The following CNBD1 variants were observed in gnomAD, a reference collection of about 807,000 sequenced individuals.
CNBD1 encodes cyclic nucleotide binding domain containing 1.
Under a neutral mutation model 54.4 loss-of-function variants are expected in CNBD1, and 71 were observed. The observed-to-expected ratio is 1.30, with a 90% CI of 1.08 to 1.59. The LOEUF is 1.59. Among genes scored for constraint, CNBD1 ranks in the 40% most tolerant of loss-of-function variants. The pLI is 0.00. For synonymous variants in CNBD1, 182 were observed against 170.7 expected, an observed-to-expected ratio of 1.07 and a Z score of -0.51; for missense variants, 659 against 518.0, an observed-to-expected ratio of 1.27 and a Z score of -2.64.
chr8:87,328,433 A>G (rs1451169305), intron 8 of CNBD1, among the ~76,000 whole-genome samples: 1 of 151,296 alleles, frequency 6.6e-6, no homozygotes, highest in Non-Finnish European at 1.5e-5. Context: ...TTCATAATTT[A>G]TTGTGTTTAA....
chr8:87,382,594 C>CTTGT (rs777953468), intron 10 of CNBD1, 26 bp from the exon 11 acceptor site: 2 of 1,530,602 alleles, frequency 1.3e-6, no homozygotes, highest in Admixed American at 2.0e-5. Context: ...TATGTAACTT[C>CTTGT]TTGTTTGTTT....
chr8:87,227,832 G>C (rs1002472751), intron 5 of CNBD1, among the ~76,000 whole-genome samples: 2 of 148,624 alleles, frequency 1.3e-5, no homozygotes, highest in Admixed American at 6.7e-5. Flanking sequence ...ATCCTGCAGA[G>C]TGTTTTCTAA....
At chr8:86,958,788 T>C (rs9774553) in intron 4 of CNBD1, among the ~76,000 whole-genome samples, 143,945 of 152,262 alleles carry the variant, frequency 0.95, 68,149 homozygotes, top group East Asian at 1. Context: ...ATCCAATTTG[T>C]CAGTATGTGT....
chr8:87,335,811 A>G (rs79663521), intron 8 of CNBD1, among the ~76,000 whole-genome samples: 6 of 152,020 alleles, frequency 3.9e-5, no homozygotes, highest in Non-Finnish European at 5.9e-5. Context: ...ACTGGTCTTT[A>G]TATTTTTTGT....
intron 8 of CNBD1, among the ~76,000 whole-genome samples, chr8:87,290,868 C>T (rs940888523): frequency 2.0e-5 from 3 of 152,086 alleles, no homozygotes; most frequent in Non-Finnish European, 2.9e-5. Context: ...AGTGACAAGG[C>T]TTTTGCTTGC....
chr8:87,269,514 TGGCCATTTTA>T (rs1808322682), intron 6 of CNBD1, among the ~76,000 whole-genome samples: 1 of 152,170 alleles, frequency 6.6e-6, no homozygotes, highest in African/African-American at 2.4e-5. Context: ...TTGGGCCGTA[TGGCCATTTTA>T]ACAATATTTA....
chr8:87,399,470 T>C (rs1441635835), intron 2 of CNBD1, among the ~76,000 whole-genome samples: 5 of 152,028 alleles, frequency 3.3e-5, no homozygotes, highest in South Asian at 2.1e-4. Context: ...ATCAATACAA[T>C]TTTAAGAGCT....
intron 4 of CNBD1, among the ~76,000 whole-genome samples, chr8:87,047,755 TG>T (rs765450671): frequency 2.0e-5 from 3 of 152,254 alleles, no homozygotes; most frequent in South Asian, 4.2e-4. Flanking sequence ...GATTTTCCTC[TG>T]GGGGGGTCTA....
chr8:87,113,104 A>G (rs1811698104), intron 4 of CNBD1, among the ~76,000 whole-genome samples: 1 of 152,186 alleles, frequency 6.6e-6, no homozygotes, highest in Non-Finnish European at 1.5e-5. Flanking sequence ...GTCATCAGCC[A>G]AGGGCAGCCC....
intron 5 of CNBD1, 73 bp downstream of exon 5, chr8:87,206,211 AT>A: frequency 1.7e-6 from 2 of 1,165,138 alleles, no homozygotes; most frequent in Non-Finnish European, 2.3e-6. Flanking sequence ...TATCATTATA[AT>A]GCTTATAATT....
chr8:87,127,734 T>C (rs1345815473), intron 4 of CNBD1, among the ~76,000 whole-genome samples: 1 of 152,172 alleles, frequency 6.6e-6, no homozygotes, highest in Admixed American at 6.5e-5. Flanking sequence ...CTGATATTAA[T>C]GGAAAAGCAT....
chr8:87,312,138 A>AT (rs772467205), intron 8 of CNBD1, among the ~76,000 whole-genome samples: 24 of 152,150 alleles, frequency 1.6e-4, no homozygotes, highest in Middle Eastern at 3.4e-3. Context: ...TAATTTAGGC[A>AT]TTTTTCCTCT....
At chr8:87,090,624 T>G (rs953492193) in intron 4 of CNBD1, among the ~76,000 whole-genome samples, 65 of 152,334 alleles carry the variant, frequency 4.3e-4, no homozygotes, top group African/African-American at 1.5e-3. Context: ...AAATCTACAC[T>G]GAATGAACTC....
chr8:86,917,418 T>C (rs1468617336), intron 3 of CNBD1, among the ~76,000 whole-genome samples: 1 of 152,120 alleles, frequency 6.6e-6, no homozygotes, highest in African/African-American at 2.4e-5. Context: ...GAAGAGAGAA[T>C]AGTACAGAAC....
chr8:87,347,672 G>T (rs779582630), intron 8 of CNBD1, among the ~76,000 whole-genome samples: 5 of 152,110 alleles, frequency 3.3e-5, no homozygotes, highest in Non-Finnish European at 7.4e-5. Flanking sequence ...TGAGGTAAAT[G>T]TATGGTTTAA....
At chr8:87,319,852 T>C (rs1415353888) in intron 8 of CNBD1, among the ~76,000 whole-genome samples, 1 of 152,082 alleles carries the variant, frequency 6.6e-6, no homozygotes, top group Non-Finnish European at 1.5e-5. Context: ...ATAAAGGTAA[T>C]GTGTATGAGC....
At chr8:87,357,808 T>A (rs1810450266) in intron 10 of CNBD1, among the ~76,000 whole-genome samples, 1 of 152,158 alleles carries the variant, frequency 6.6e-6, no homozygotes, top group Non-Finnish European at 1.5e-5. Context: ...ATAGTTTGGA[T>A]GTCTGTCCCC....
chr8:87,306,488 G>C (rs561858604), intron 8 of CNBD1, among the ~76,000 whole-genome samples: 6 of 152,164 alleles, frequency 3.9e-5, no homozygotes, highest in African/African-American at 1.4e-4. Flanking sequence ...CAAAATCATG[G>C]AACCAATCCA....
intron 6 of CNBD1, among the ~76,000 whole-genome samples, chr8:87,266,830 G>A (rs906798094): frequency 6.6e-6 from 1 of 152,014 alleles, no homozygotes; most frequent in African/African-American, 2.4e-5. Context: ...AGGGCAGTTG[G>A]TTATACAGAC....
Sources: gnomAD v4.1 joint callset for allele counts (sites outside exome capture counted in the v4.1 genomes callset) on GRCh38, gnomAD v4.1.1 for gene constraint, MANE v1.5 for transcripts, NCBI Gene and HGNC (gene_info 2026-07-23, HGNC 2026-07-21) for gene names.